Variants in XPNPEP3 observed in about 807,000 individuals in gnomAD.
The protein encoded by XPNPEP3 is xaa-Pro aminopeptidase 3.
A neutral mutation model predicts 60.0 loss-of-function variants in XPNPEP3; 41 were observed. That is an observed-to-expected ratio of 0.68 (90% CI 0.53 to 0.89). XPNPEP3 has a LOEUF of 0.89. XPNPEP3 is among the 40% of genes least tolerant of loss of function. The pLI is 0.00. For missense variants in XPNPEP3, 598 were observed against 638.9 expected (o/e 0.94, Z 0.69); for synonymous variants, 212 against 223.2 (o/e 0.95, Z 0.45).
At chr22:40,899,371 C>T (rs1429888601) in intron 4 of XPNPEP3, among the ~76,000 whole-genome samples, 1 of 152,210 alleles carries the variant, frequency 6.6e-6, no homozygotes, top group Non-Finnish European at 1.5e-5. Context: ...ACCAGCGATT[C>T]AGAATTCCCT....
At chr22:40,877,592 TGA>T (rs1200167874) in intron 2 of XPNPEP3, among the ~76,000 whole-genome samples, 1 of 152,226 alleles carries the variant, frequency 6.6e-6, no homozygotes, top group African/African-American at 2.4e-5. Context: ...GAACTGATAG[TGA>T]GACTTTGCAG....
At chr22:40,897,537 T>G (rs138107999) in intron 4 of XPNPEP3, among the ~76,000 whole-genome samples, 113 of 152,032 alleles carry the variant, frequency 7.4e-4, no homozygotes, top group Middle Eastern at 6.8e-3. Context: ...GAGTCTCCAT[T>G]TGTTCCCAGG....
intron 2 of XPNPEP3, chr22:40,870,318 C>T: frequency 3.7e-6 from 1 of 267,384 alleles, no homozygotes; most frequent in Middle Eastern, 1.4e-3. Flanking sequence ...GGCCTTAAAC[C>T]TAGTAATTAT....
At chr22:40,880,541 G>A (rs1350789977) in intron 2 of XPNPEP3, among the ~76,000 whole-genome samples, 1 of 150,588 alleles carries the variant, frequency 6.6e-6, no homozygotes, top group Non-Finnish European at 1.5e-5. Context: ...AGTAGGAGAA[G>A]GGAATAGGGA....
chr22:40,886,719 C>T (rs1475873826), intron 4 of XPNPEP3, among the ~76,000 whole-genome samples: 7 of 148,814 alleles, frequency 4.7e-5, no homozygotes, highest in Non-Finnish European at 3.0e-5. Flanking sequence ...CCCAGCTACT[C>T]GGTAGGCTGA....
intron 2 of XPNPEP3, among the ~76,000 whole-genome samples, chr22:40,881,437 C>G (rs2058047631): frequency 7.2e-6 from 1 of 139,130 alleles, no homozygotes; most frequent in Non-Finnish European, 1.5e-5. Flanking sequence ...GCCTGGGCAA[C>G]AAGAGCGAAA....
chr22:40,914,286 T>C lies in XPNPEP3; in HGVS notation c.1017T>C (p.Tyr339=), dbSNP rs1210928307. 6.2e-7 allele frequency: 1 copy of C among 1,614,122 alleles called. No homozygotes were observed. Among genetic ancestry groups the C allele is most frequent in the East Asian group, 2.2e-5 (1 of 44,876 alleles). ...ATGGAGGTTGTGAGTCTTCCTGCTA[T>C]GTGAGTGACATCACACGTACGTGGC... is the stretch of plus-strand genomic sequence containing the variant. The part of the protein sequence containing the change: ...LLDGGCESSC[Y]VSDITRTWPV... Residue 339 remains tyrosine (Y), a synonymous_variant, in exon 7 of 10, where the codon TAT becomes TAC. Transcript: ENST00000357137.
intron 4 of XPNPEP3, among the ~76,000 whole-genome samples, chr22:40,902,965 A>G (rs1053312791): frequency 6.6e-6 from 1 of 152,218 alleles, no homozygotes; most frequent in African/African-American, 2.4e-5. Flanking sequence ...CCAAGAGCCT[A>G]AAATGGAATC....
intron 3 of XPNPEP3, among the ~76,000 whole-genome samples, chr22:40,885,309 A>G (rs2058064468): frequency 6.6e-6 from 1 of 152,182 alleles, no homozygotes; most frequent in Non-Finnish European, 1.5e-5. Flanking sequence ...CTGTTAGAAA[A>G]AAAGAACAAA....
intron 6 of XPNPEP3, among the ~76,000 whole-genome samples, chr22:40,912,122 G>T (rs2058179438): frequency 6.6e-6 from 1 of 151,862 alleles, no homozygotes; most frequent in Non-Finnish European, 1.5e-5. Context: ...CATGTAATGG[G>T]TTTATTTTTA....
chr22:40,858,032 C>A (rs2057913852), intron 1 of XPNPEP3, among the ~76,000 whole-genome samples: 1 of 152,202 alleles, frequency 6.6e-6, no homozygotes, highest in Admixed American at 6.5e-5. Context: ...GTGCACAGAA[C>A]TTGTTCTTCA....
intron 4 of XPNPEP3, among the ~76,000 whole-genome samples, chr22:40,898,264 T>G (rs1348328195): frequency 1.2e-4 from 11 of 94,302 alleles, no homozygotes; most frequent in East Asian, 2.8e-4. Flanking sequence ...TTTTTTTTTT[T>G]GAGACGGAGT....
At chr22:40,858,522 CTTTT>C (rs34319696) in intron 1 of XPNPEP3, among the ~76,000 whole-genome samples, 1 of 85,470 alleles carries the variant, frequency 1.2e-5, no homozygotes, top group African/African-American at 5.1e-5. Context: ...GCTGGAGAAG[CTTTT>C]TTTTTTTTTT....
intron 1 of XPNPEP3, among the ~76,000 whole-genome samples, chr22:40,865,325 CTT>C (rs11365518): frequency 0.11 from 12,929 of 112,700 alleles, 737 homozygotes; most frequent in African/African-American, 0.24. Flanking sequence ...GCCCTCCTCA[CTT>C]TTTTTTTTTT....
At chr22:40,886,180 T>C in intron 3 of XPNPEP3, 133 bp from the exon 4 acceptor site, 2 of 861,554 alleles carry the variant, frequency 2.3e-6, no homozygotes, top group Non-Finnish European at 3.8e-6. Flanking sequence ...GAGAGAGTCT[T>C]AAGTCTCAAC....
At chr22:40,915,372 C>G (rs1482407746) in intron 7 of XPNPEP3, among the ~76,000 whole-genome samples, 1 of 152,078 alleles carries the variant, frequency 6.6e-6, no homozygotes, top group South Asian at 2.1e-4. Flanking sequence ...GTCAGGAGTT[C>G]AGGACCAGCC....
At chr22:40,898,901 CTA>C (rs1363049653) in intron 4 of XPNPEP3, among the ~76,000 whole-genome samples, 1 of 152,128 alleles carries the variant, frequency 6.6e-6, no homozygotes, top group African/African-American at 2.4e-5. Context: ...GAGGCACTGA[CTA>C]TGTGATGAGG....
intron 8 of XPNPEP3, 42 bp from the exon 9 acceptor site, chr22:40,924,320 A>G (rs1013953334): frequency 6.2e-7 from 1 of 1,613,400 alleles, no homozygotes; most frequent in Non-Finnish European, 8.5e-7. Flanking sequence ...TCCCTGTAAG[A>G]GGTCATTGCT....
intron 1 of XPNPEP3, among the ~76,000 whole-genome samples, chr22:40,858,467 C>G (rs1433850421): frequency 6.7e-6 from 1 of 150,254 alleles, no homozygotes; most frequent in Non-Finnish European, 1.5e-5. Context: ...GCACAGAACT[C>G]TAAAACGGAG....
Sources: gnomAD v4.1 joint callset for allele counts (sites outside exome capture counted in the v4.1 genomes callset) on GRCh38, gnomAD v4.1.1 for gene constraint, MANE v1.5 for transcripts, NCBI Gene and HGNC (gene_info 2026-07-23, HGNC 2026-07-21) for gene names.